Variants in SHISA6 observed in about 807,000 individuals in gnomAD.
The protein encoded by SHISA6 is protein shisa-6.
A neutral mutation model predicts 47.9 loss-of-function variants in SHISA6; 22 were observed. The observed-to-expected ratio is 0.46, with a 90% CI of 0.33 to 0.66. SHISA6 has a LOEUF of 0.66. Ranked by LOEUF, SHISA6 falls within the 30% of genes least tolerant of loss-of-function variation. The pLI is 0.02. For synonymous variants in SHISA6, 388 were observed against 337.8 expected (o/e 1.15, Z -1.63); for missense variants, 680 against 764.6 (o/e 0.89, Z 1.30).
chr17:11,361,084 A>G (rs1359942572), intron 2 of SHISA6, among the ~76,000 whole-genome samples: 1 of 142,414 alleles, frequency 7.0e-6, no homozygotes, highest in Non-Finnish European at 1.5e-5. Flanking sequence ...ATCTATTCTT[A>G]TGTCAGTGCT....
intron 2 of SHISA6, among the ~76,000 whole-genome samples, chr17:11,350,470 G>A (rs956458300): frequency 2.6e-5 from 4 of 151,870 alleles, no homozygotes; most frequent in African/African-American, 9.7e-5. Flanking sequence ...ATGGGCCACC[G>A]TGCCCAGCCG....
chr17:11,316,504 T>C (rs1007277555), intron 2 of SHISA6, among the ~76,000 whole-genome samples: 1 of 146,368 alleles, frequency 6.8e-6, no homozygotes, highest in African/African-American at 2.5e-5. Context: ...CACTGCAACC[T>C]CTACCTCCTG....
intron 2 of SHISA6, among the ~76,000 whole-genome samples, chr17:11,274,677 A>G (rs1416726186): frequency 6.6e-6 from 1 of 152,216 alleles, no homozygotes; most frequent in Non-Finnish European, 1.5e-5. Flanking sequence ...TGCCACACCA[A>G]CTGTGTACTG....
intron 2 of SHISA6, chr17:11,290,840 A>AT (rs1433407888): frequency 7.9e-5 from 12 of 151,960 alleles, no homozygotes; most frequent in Admixed American, 6.6e-5. Flanking sequence ...TATGATACTG[A>AT]TATGTGAGGG....
chr17:11,446,450 C>T (rs938630006), intron 3 of SHISA6, among the ~76,000 whole-genome samples: 15 of 152,242 alleles, frequency 9.9e-5, no homozygotes, highest in Admixed American at 3.3e-4. Context: ...GGCTGCCCCT[C>T]TTCAAGCTTG....
At chr17:11,428,638 T>C (rs1027283935) in intron 3 of SHISA6, among the ~76,000 whole-genome samples, 5 of 152,252 alleles carry the variant, frequency 3.3e-5, no homozygotes, top group African/African-American at 9.6e-5. Context: ...CACACATTTA[T>C]GATTTCACAG....
chr17:11,468,176 C>A (rs376339758), intron 3 of SHISA6, among the ~76,000 whole-genome samples: 23 of 152,056 alleles, frequency 1.5e-4, no homozygotes, highest in African/African-American at 5.1e-4. Flanking sequence ...CCATTCCACC[C>A]CCCAGGCCAA....
chr17:11,241,547 T>G lies in SHISA6; in HGVS notation c.125T>G (p.Val42Gly). Residue 42 changes from valine to glycine, a missense_variant, in exon 1 of 6, where the codon GTC becomes GGC. Physicochemically the swap from Val to Gly is moderately radical, Grantham distance 109 (BLOSUM62 -3). Around this residue, in one of 2 missense-constraint regions of SHISA6, gnomAD observed 121 missense variants for 90.5 expected, o/e 1.34. Coordinates refer to ENST00000441885, the MANE Select transcript of SHISA6 (RefSeq NM_207386.4). This position sits in a 1 kb window ranked among gnomAD's most constrained non-coding sequence, Gnocchi z 5.5. ...ACCCTGAGTGCAGGCGGCGCTGCCGTCGGGGGCCGGAGGGCCGGGGGCGCC... is the reference window on the plus strand; with the variant it reads ...ACCCTGAGTGCAGGCGGCGCTGCCGGCGGGGGCCGGAGGGCCGGGGGCGCC... ...NRTLSAGGAA[V>G]GGRRAGGALA... 9.2e-7 allele frequency: 1 copy of G among 1,085,086 alleles called. No individual in the cohort carries two copies. The highest frequency in any genetic ancestry group is 1.1e-6 in the Non-Finnish European group (1 of 897,108). The allele number at this position is 1,085,086 out of a possible 1,614,324, so 67.2% of individuals were successfully genotyped here.
intron 3 of SHISA6, among the ~76,000 whole-genome samples, chr17:11,460,976 G>C (rs1915675071): frequency 6.6e-6 from 1 of 152,122 alleles, no homozygotes; most frequent in African/African-American, 2.4e-5. Flanking sequence ...TTTAGCATAG[G>C]ATTTTATTGA....
At chr17:11,544,552 G>A (rs1359473581) in intron 3 of SHISA6, among the ~76,000 whole-genome samples, 1 of 152,140 alleles carries the variant, frequency 6.6e-6, no homozygotes, top group Non-Finnish European at 1.5e-5. Flanking sequence ...AAAAAGAATA[G>A]TGACAACGCC....
intron 3 of SHISA6, among the ~76,000 whole-genome samples, chr17:11,530,670 T>C (rs777168142): frequency 3.9e-5 from 6 of 152,122 alleles, no homozygotes; most frequent in Non-Finnish European, 8.8e-5. Context: ...CAGAACACCA[T>C]GTTATAAAGT....
At chr17:11,242,194 T>G (rs1907395081) in intron 1 of SHISA6, 134 bp downstream of exon 1, 1 of 1,231,528 alleles carries the variant, frequency 8.1e-7, no homozygotes, top group South Asian at 1.4e-5. Context: ...TCGCTCCTTT[T>G]GCATGCAATA....
intron 2 of SHISA6, among the ~76,000 whole-genome samples, chr17:11,292,779 T>G (rs1335877584): frequency 6.6e-6 from 1 of 150,440 alleles, no homozygotes; most frequent in Non-Finnish European, 1.5e-5. Context: ...CCCCAAGCAG[T>G]GAGAAGTCAC....
At chr17:11,530,557 G>C (rs955128254) in intron 3 of SHISA6, among the ~76,000 whole-genome samples, 5 of 152,080 alleles carry the variant, frequency 3.3e-5, no homozygotes, top group Non-Finnish European at 7.3e-5. Flanking sequence ...TTTTAGCGAG[G>C]ACACAGAGAT....
intron 3 of SHISA6, among the ~76,000 whole-genome samples, chr17:11,519,643 T>G (rs1322995067): frequency 6.6e-6 from 1 of 152,080 alleles, no homozygotes; most frequent in African/African-American, 2.4e-5. Flanking sequence ...TGTGGTAAAT[T>G]TTATGTTATA....
At chr17:11,460,616 C>G (rs1314850085) in intron 3 of SHISA6, among the ~76,000 whole-genome samples, 1 of 152,176 alleles carries the variant, frequency 6.6e-6, no homozygotes, top group Non-Finnish European at 1.5e-5. Context: ...GTCTCGAACT[C>G]CTGCCCTTAG....
chr17:11,416,552 C>G (rs1249152229), intron 3 of SHISA6, among the ~76,000 whole-genome samples: 5 of 151,974 alleles, frequency 3.3e-5, no homozygotes, highest in Non-Finnish European at 7.4e-5. Flanking sequence ...TTATTCTTAG[C>G]CTTCTAAAAA....
chr17:11,520,326 C>A (rs552832380), intron 3 of SHISA6, among the ~76,000 whole-genome samples: 7 of 152,266 alleles, frequency 4.6e-5, no homozygotes, highest in African/African-American at 1.7e-4. Flanking sequence ...CAGTAGCATC[C>A]CTAATTTCCT....
At position 11,560,148 on chromosome 17, in the gene SHISA6, G is replaced by C. The variant is rs2072028158; in HGVS notation, c.*1844G>C. On this transcript the variant is annotated 3_prime_UTR_variant, in exon 6 of 6. Coordinates refer to ENST00000441885, the MANE Select transcript of SHISA6 (RefSeq NM_207386.4). ...CAAACCACAGAGAAAGCAATGGACT[G>C]TGTCCTTTCACTGATTTCAAGAGTT... The C allele has an allele frequency of 1.3e-5, 2 of 152,230 alleles. No homozygotes were observed. The highest frequency in any genetic ancestry group is 1.3e-4 in the Admixed American group (2 of 15,278). 9.4% of individuals were successfully genotyped at this position (152,230 alleles called of 1,614,324 possible). A position where few individuals can be genotyped will look rare whatever the true frequency, so the allele number is the denominator to read the frequency against.
Sources: allele counts gnomAD v4.1 joint callset (sites outside exome capture counted in the v4.1 genomes callset), GRCh38; gene constraint gnomAD v4.1.1; regional missense constraint gnomAD v4.1.1; non-coding constraint Gnocchi (gnomAD v3.1); transcripts MANE v1.5; gene names NCBI Gene and HGNC (gene_info 2026-07-23, HGNC 2026-07-21).